The following LRP6 variants were observed in gnomAD, a reference collection of about 807,000 sequenced individuals.
The protein encoded by LRP6 is low-density lipoprotein receptor-related protein 6.
A neutral mutation model predicts 184.1 loss-of-function variants in LRP6; 43 were observed. The ratio of observed to expected loss-of-function variants is 0.23; its 90% CI spans 0.18 to 0.30. The LOEUF (loss-of-function observed/expected upper bound fraction) is 0.30. Ranked by LOEUF, LRP6 falls within the 10% of genes least tolerant of loss-of-function variation. LRP6 has a pLI of 1.00. For synonymous variants in LRP6, 719 were observed against 684.9 expected (o/e 1.05, Z -0.78); for missense variants, 1,571 against 2,005.3 (o/e 0.78, Z 4.14).
chr12:12,121,341 G>A lies in LRP6; in HGVS notation c.4627C>T (p.Pro1543Ser), dbSNP rs755949998. The change falls in exon 23 of 23, where the codon CCT (proline) becomes TCT (serine). Residue 1543 changes from proline (P) to serine (S), a missense_variant. By Grantham distance (74) the Pro-to-Ser change is moderately conservative. Transcript: ENST00000261349. Reference sequence around the variant, plus strand: ...GCCACTGAGGTCATTCTCCGACTAGGAGCATAGTCACTGTCACAAACATCT... The same window carrying A: ...GCCACTGAGGTCATTCTCCGACTAGAAGCATAGTCACTGTCACAAACATCT... ...STDVCDSDYA[P>S]SRRMTSVATA... is the part of the protein sequence containing the mutation. 10 of 1,614,066 alleles carry A rather than the reference G, an allele frequency of 6.2e-6. No homozygotes were observed. In the African/African-American group the frequency reaches 1.1e-4, roughly 17 times the overall value.
At chr12:12,163,438 G>C (rs1161091354) in intron 9 of LRP6, among the ~76,000 whole-genome samples, 2 of 152,124 alleles carry the variant, frequency 1.3e-5, no homozygotes, top group Non-Finnish European at 2.9e-5. Context: ...GTTTACATGA[G>C]TTATCTGAAA....
intron 17 of LRP6, among the ~76,000 whole-genome samples, chr12:12,134,383 C>T (rs1442638687): frequency 6.6e-6 from 1 of 151,952 alleles, no homozygotes; most frequent in Non-Finnish European, 1.5e-5. Flanking sequence ...AGTCTTTTTC[C>T]TTCAGTTGAA....
At chr12:12,133,527 T>C (rs1263610156) in intron 17 of LRP6, among the ~76,000 whole-genome samples, 1 of 152,008 alleles carries the variant, frequency 6.6e-6, no homozygotes, top group African/African-American at 2.4e-5. Flanking sequence ...AGCTGAACAA[T>C]ACAGCCGGCA....
At chr12:12,202,672 T>C (rs909308608) in intron 3 of LRP6, among the ~76,000 whole-genome samples, 1 of 152,218 alleles carries the variant, frequency 6.6e-6, no homozygotes, top group African/African-American at 2.4e-5. Flanking sequence ...GCCTAAAATA[T>C]TTACTATCTG....
At chr12:12,156,180 T>A (rs1020136340) in intron 12 of LRP6, among the ~76,000 whole-genome samples, 30 of 152,312 alleles carry the variant, frequency 2.0e-4, no homozygotes, top group African/African-American at 6.5e-4. Flanking sequence ...AATGGCAGCA[T>A]AATTTTAATT....
intron 7 of LRP6, among the ~76,000 whole-genome samples, chr12:12,174,671 G>C (rs1483789649): frequency 6.6e-6 from 1 of 152,104 alleles, no homozygotes; most frequent in Non-Finnish European, 1.5e-5. Context: ...TTGAATACTT[G>C]GGAAACAAAT....
chr12:12,178,894 A>C (rs754152675), intron 7 of LRP6, among the ~76,000 whole-genome samples: 49 of 152,290 alleles, frequency 3.2e-4, no homozygotes, highest in Non-Finnish European at 6.6e-4. Context: ...CCTCAGGGTC[A>C]TGGGCACTCT....
intron 1 of LRP6, among the ~76,000 whole-genome samples, chr12:12,265,677 G>A (rs923767999): frequency 1.3e-5 from 2 of 152,160 alleles, no homozygotes; most frequent in African/African-American, 4.8e-5. Context: ...AAATTCCTCT[G>A]CTGGTAAATG....
intron 7 of LRP6, among the ~76,000 whole-genome samples, chr12:12,174,303 G>C (rs748194743): frequency 2.0e-5 from 3 of 151,914 alleles, no homozygotes; most frequent in Non-Finnish European, 4.4e-5. Flanking sequence ...GTAGAGACGG[G>C]GTTTCACCAT....
intron 2 of LRP6, among the ~76,000 whole-genome samples, chr12:12,222,050 T>C (rs1309351495): frequency 6.6e-6 from 1 of 152,202 alleles, no homozygotes; most frequent in Non-Finnish European, 1.5e-5. Context: ...AAATTCCTTC[T>C]CACACAATGG....
intron 15 of LRP6, among the ~76,000 whole-genome samples, chr12:12,141,954 G>A (rs1301917324): frequency 6.6e-6 from 1 of 152,078 alleles, no homozygotes; most frequent in Non-Finnish European, 1.5e-5. Context: ...TGGGGAGGAT[G>A]GAAAGAAAAT....
intron 19 of LRP6, among the ~76,000 whole-genome samples, chr12:12,127,464 T>A (rs1271956062): frequency 1.3e-5 from 2 of 152,190 alleles, no homozygotes; most frequent in African/African-American, 4.8e-5. Context: ...AACTGGAAGC[T>A]AAAGATAAGC....
intron 2 of LRP6, among the ~76,000 whole-genome samples, chr12:12,218,091 C>T (rs1249162898): frequency 6.6e-6 from 1 of 152,140 alleles, no homozygotes; most frequent in Non-Finnish European, 1.5e-5. Context: ...GAAAAGGCAA[C>T]CCACAGAACA....
rs557737237 is a variant in LRP6, at chr12:12,140,452, G to A, written c.3398-1918C>T. ...CATAAAAATAAAAAGCTCCAAAATAGGAAAATGAAAAATAAATTATCAAAG... is the reference window on the plus strand; with the variant it reads ...CATAAAAATAAAAAGCTCCAAAATAAGAAAATGAAAAATAAATTATCAAAG... On this transcript the variant is annotated intron_variant, in intron 15 of 22. Coordinates refer to ENST00000261349, the MANE Select transcript of LRP6 (RefSeq NM_002336.3). Among the ~76,000 whole-genome samples, 7 of 151,452 alleles carry A rather than the reference G, an allele frequency of 4.6e-5. No homozygotes were observed. The South Asian group carries it at 1.2e-3, about 27-fold the overall frequency.
intron 22 of LRP6, among the ~76,000 whole-genome samples, chr12:12,122,696 G>A (rs1949621166): frequency 6.6e-6 from 1 of 152,114 alleles, no homozygotes; most frequent in African/African-American, 2.4e-5. Flanking sequence ...GCCAGGCGTG[G>A]TGACACACAC....
intron 1 of LRP6, among the ~76,000 whole-genome samples, chr12:12,252,964 C>A (rs942868549): frequency 2.0e-5 from 3 of 152,160 alleles, no homozygotes; most frequent in Non-Finnish European, 4.4e-5. Flanking sequence ...AGCCACTCTT[C>A]TTTAAAATAA....
chr12:12,244,994 C>A (rs1865151554), intron 1 of LRP6, among the ~76,000 whole-genome samples: 1 of 152,186 alleles, frequency 6.6e-6, no homozygotes, highest in Non-Finnish European at 1.5e-5. Context: ...TAAAATGGTA[C>A]AGCCACTTGG....
At chr12:12,164,869 A>C (rs997282359) in intron 8 of LRP6, among the ~76,000 whole-genome samples, 1 of 139,696 alleles carries the variant, frequency 7.2e-6, no homozygotes, top group Non-Finnish European at 1.5e-5. Context: ...CCTTCAATTC[A>C]AACTGGGTAG....
At chr12:12,218,366 A>G (rs1176148555) in intron 2 of LRP6, among the ~76,000 whole-genome samples, 1 of 151,872 alleles carries the variant, frequency 6.6e-6, no homozygotes, top group Non-Finnish European at 1.5e-5. Flanking sequence ...GGTCCCAGCT[A>G]CTCAGGAGGC....
Sources: allele counts gnomAD v4.1 joint callset (sites outside exome capture counted in the v4.1 genomes callset), GRCh38; gene constraint gnomAD v4.1.1; transcripts MANE v1.5; gene names NCBI Gene and HGNC (gene_info 2026-07-23, HGNC 2026-07-21).